The following KCNAB1 variants were observed in gnomAD, a reference collection of about 807,000 sequenced individuals.
KCNAB1 encodes voltage-gated potassium channel subunit beta-1.
KCNAB1 carries 35 observed loss-of-function variants against 64.6 expected under a neutral mutation model. The observed-to-expected ratio is 0.54, with a 90% CI of 0.41 to 0.72. The LOEUF (loss-of-function observed/expected upper bound fraction) is 0.72, where lower values mean the gene tolerates loss of function less well. KCNAB1 is among the 30% of genes least tolerant of loss of function. KCNAB1 has a pLI of 0.00. For missense variants in KCNAB1, 401 were observed against 512.9 expected, an observed-to-expected ratio of 0.78 and a Z score of 2.11; for synonymous variants, 177 against 183.8, an observed-to-expected ratio of 0.96 and a Z score of 0.30.
At chr3:156,377,412 C>G (rs1711759703) in intron 1 of KCNAB1, among the ~76,000 whole-genome samples, 1 of 152,004 alleles carries the variant, frequency 6.6e-6, no homozygotes, top group Admixed American at 6.5e-5. Flanking sequence ...GGGTGCTGCT[C>G]GTGGAAAACT....
intron 8 of KCNAB1, among the ~76,000 whole-genome samples, chr3:156,488,453 C>T (rs1330164324): frequency 8.5e-5 from 13 of 152,150 alleles, no homozygotes; most frequent in Admixed American, 7.9e-4. Flanking sequence ...GCTGTAGAAA[C>T]AGTGCAAAGG....
At chr3:156,407,439 T>C (rs1714322759) in intron 1 of KCNAB1, among the ~76,000 whole-genome samples, 1 of 152,196 alleles carries the variant, frequency 6.6e-6, no homozygotes, top group Non-Finnish European at 1.5e-5. Flanking sequence ...TGTTTACTTG[T>C]TTATCATGGG....
chr3:156,299,520 A>G (rs1179827592), intron 1 of KCNAB1, among the ~76,000 whole-genome samples: 2 of 124,250 alleles, frequency 1.6e-5, no homozygotes, highest in African/African-American at 9.6e-5. Context: ...ATGATTGAAC[A>G]TTGCCACATG....
chr3:156,457,538 T>G lies in KCNAB1; in HGVS notation c.437+6T>G. On this transcript the variant is annotated splice_donor_region_variant and intron_variant, in intron 4 of 13. Transcript: ENST00000490337. ...GAAGTCTATGCTGCTGGAAAGTAAGTCAGTACCTGTTTGTGTCACTCAAAT... is the reference window on the plus strand; with the variant it reads ...GAAGTCTATGCTGCTGGAAAGTAAGGCAGTACCTGTTTGTGTCACTCAAAT... 6.2e-7 allele frequency: 1 copy of G among 1,611,836 alleles called. No homozygotes were observed.
At chr3:156,268,458 A>G in intron 1 of KCNAB1, among the ~76,000 whole-genome samples, 1 of 152,140 alleles carries the variant, frequency 6.6e-6, no homozygotes, top group East Asian at 1.9e-4. Flanking sequence ...ATTATTCTCC[A>G]TGGTAGTTGT....
intron 1 of KCNAB1, among the ~76,000 whole-genome samples, chr3:156,166,407 TAAAG>T (rs1711560762): frequency 1.3e-5 from 2 of 152,214 alleles, no homozygotes; most frequent in South Asian, 4.2e-4. Context: ...TAAGGAGCTA[TAAAG>T]AAACTGTGTA....
At chr3:156,225,254 G>A (rs1434137422) in intron 1 of KCNAB1, among the ~76,000 whole-genome samples, 1 of 152,138 alleles carries the variant, frequency 6.6e-6, no homozygotes, top group Admixed American at 6.5e-5. Context: ...GGGATGCAGG[G>A]ATGGTTTAAC....
At chr3:156,375,965 G>T (rs533485597) in intron 1 of KCNAB1, among the ~76,000 whole-genome samples, 2 of 152,124 alleles carry the variant, frequency 1.3e-5, no homozygotes, top group Admixed American at 1.3e-4. Flanking sequence ...GATTAAAGGC[G>T]CATGCCAACA....
chr3:156,295,655 A>C lies in KCNAB1; in HGVS notation c.276-125961A>C, dbSNP rs73876143. On this transcript the variant is annotated intron_variant, in intron 1 of 13. Transcript: ENST00000490337. ...GCCCAAGAGAACAAGATTCCACCTA[A>C]TGTTTATACTGAGGACTATCCTGTA... Among the ~76,000 whole-genome samples the C allele has an allele frequency of 8.8e-3, 1,338 of 152,262 alleles. 23 individuals carry two copies. The highest frequency in any genetic ancestry group is 0.03 in the African/African-American group (1,231 of 41,554).
intron 1 of KCNAB1, among the ~76,000 whole-genome samples, chr3:156,357,127 T>G (rs184610201): frequency 1.3e-5 from 2 of 150,852 alleles, no homozygotes; most frequent in East Asian, 3.9e-4. Flanking sequence ...TCTCTCTCTC[T>G]CTCTCACACA....
chr3:156,269,733 G>T (rs940898386), intron 1 of KCNAB1, among the ~76,000 whole-genome samples: 7 of 151,894 alleles, frequency 4.6e-5, no homozygotes, highest in Non-Finnish European at 8.8e-5. Context: ...AATGACCTTT[G>T]TCTCTTTCTA....
At chr3:156,280,744 T>G (rs1233243788) in intron 1 of KCNAB1, among the ~76,000 whole-genome samples, 2 of 151,732 alleles carry the variant, frequency 1.3e-5, no homozygotes, top group Non-Finnish European at 2.9e-5. Flanking sequence ...TGAATGGGAG[T>G]TCACTCATGA....
intron 1 of KCNAB1, among the ~76,000 whole-genome samples, chr3:156,220,062 G>T (rs1370769061): frequency 1.4e-4 from 22 of 152,040 alleles, no homozygotes; most frequent in Admixed American, 1.4e-3. Flanking sequence ...CTTTTTTATG[G>T]CTGCATAGTA....
intron 1 of KCNAB1, among the ~76,000 whole-genome samples, chr3:156,249,329 G>A (rs986757606): frequency 3.3e-5 from 5 of 151,990 alleles, no homozygotes; most frequent in East Asian, 1.9e-4. Context: ...TTGGGAGGCC[G>A]AGGCAGATGG....
At chr3:156,357,731 CAT>C (rs1725353792) in intron 1 of KCNAB1, among the ~76,000 whole-genome samples, 1 of 151,054 alleles carries the variant, frequency 6.6e-6, no homozygotes, top group South Asian at 2.1e-4. Context: ...AATATGTAAT[CAT>C]ATATCATGAT....
At chr3:156,471,192 A>G (rs1713860307) in intron 7 of KCNAB1, among the ~76,000 whole-genome samples, 1 of 152,228 alleles carries the variant, frequency 6.6e-6, no homozygotes, top group Admixed American at 6.5e-5. Context: ...CAAACCTGCA[A>G]CAGTGAACAC....
intron 1 of KCNAB1, among the ~76,000 whole-genome samples, chr3:156,255,716 T>G (rs931197576): frequency 2.6e-5 from 4 of 152,178 alleles, no homozygotes; most frequent in African/African-American, 7.2e-5. Flanking sequence ...CTACTCACTT[T>G]TCAAGGTCCA....
At chr3:156,415,529 C>T (rs1435927907) in intron 1 of KCNAB1, among the ~76,000 whole-genome samples, 2 of 152,164 alleles carry the variant, frequency 1.3e-5, no homozygotes, top group Admixed American at 1.3e-4. Flanking sequence ...ACAGCCATCC[C>T]CACAAAGCTG....
chr3:156,507,799 T>C (rs1716925477), intron 8 of KCNAB1, among the ~76,000 whole-genome samples: 1 of 152,148 alleles, frequency 6.6e-6, no homozygotes, highest in South Asian at 2.1e-4. Flanking sequence ...ACCAGTGTTG[T>C]AGCCTCCATC....
Sources: allele counts gnomAD v4.1 joint callset (sites outside exome capture counted in the v4.1 genomes callset), GRCh38; gene constraint gnomAD v4.1.1; transcripts MANE v1.5; gene names NCBI Gene and HGNC (gene_info 2026-07-23, HGNC 2026-07-21).